Variants in UBE2H observed in about 807,000 individuals in gnomAD.
The protein encoded by UBE2H is ubiquitin-conjugating enzyme E2 H.
UBE2H carries 3 observed loss-of-function variants against 29.0 expected under a neutral mutation model. That is an observed-to-expected ratio of 0.10 (90% CI 0.05 to 0.27). The LOEUF (loss-of-function observed/expected upper bound fraction) is 0.27. Among genes scored for constraint, UBE2H ranks in the 10% least tolerant of loss-of-function variants. The pLI, the probability that UBE2H is intolerant of heterozygous loss-of-function variation, is 1.00. For synonymous variants in UBE2H, 69 were observed against 82.9 expected (o/e 0.83, Z 0.91); for missense variants, 68 against 228.2 (o/e 0.30, Z 4.52).
chr7:129,874,373 G>A (rs1190822098), intron 3 of UBE2H, among the ~76,000 whole-genome samples: 2 of 150,594 alleles, frequency 1.3e-5, no homozygotes, highest in Non-Finnish European at 3.0e-5. Flanking sequence ...GCAGTGGCAC[G>A]ATCTTGGCTC....
chr7:129,850,887 A>T (rs1035324749), intron 5 of UBE2H, among the ~76,000 whole-genome samples: 1 of 151,486 alleles, frequency 6.6e-6, no homozygotes, highest in African/African-American at 2.4e-5. Flanking sequence ...AGAGAGAGAA[A>T]GGAGAGAGAG....
At chr7:129,870,008 C>G (rs1805996274) in intron 3 of UBE2H, among the ~76,000 whole-genome samples, 1 of 152,186 alleles carries the variant, frequency 6.6e-6, no homozygotes, top group Non-Finnish European at 1.5e-5. Flanking sequence ...ACTCTCTCCT[C>G]TAGTTCTTTC....
chr7:129,838,962 A>G (rs554060472), intron 6 of UBE2H, among the ~76,000 whole-genome samples: 1 of 152,246 alleles, frequency 6.6e-6, no homozygotes, highest in East Asian at 1.9e-4. Flanking sequence ...TTTAAATGAA[A>G]CTCATATCCC....
intron 1 of UBE2H, among the ~76,000 whole-genome samples, chr7:129,881,894 A>T (rs1806262118): frequency 6.6e-6 from 1 of 152,174 alleles, no homozygotes; most frequent in Non-Finnish European, 1.5e-5. Context: ...AATAATCAAC[A>T]CAGTTAATGA....
chr7:129,952,373 CTG>C (rs1807895592), intron 1 of UBE2H, 128 bp downstream of exon 1: 1 of 1,178,038 alleles, frequency 8.5e-7, no homozygotes, highest in Non-Finnish European at 1.2e-6. Context: ...GCCGTAGGCA[CTG>C]GGGGAGGAGG....
intron 1 of UBE2H, among the ~76,000 whole-genome samples, chr7:129,901,673 C>T (rs1806719822): frequency 6.6e-6 from 1 of 152,128 alleles, no homozygotes; most frequent in Non-Finnish European, 1.5e-5. Flanking sequence ...CAGCTCACTG[C>T]AACCTCTGCC....
In UBE2H at chr7:129,942,619, T is replaced by C. The variant is rs145180463; in HGVS notation, c.53+9884A>G. Among the ~76,000 whole-genome samples, 397 of 152,304 alleles carry C rather than the reference T, an allele frequency of 2.6e-3. 1 individual carries two copies. The highest frequency in any genetic ancestry group is 9.1e-3 in the African/African-American group (379 of 41,564). Reference sequence around the variant, plus strand: ...GTTTATTCCATGTGAAAATTGAAGATATTATTCAGACTTCAACAGAGTGCT... The same window carrying C: ...GTTTATTCCATGTGAAAATTGAAGACATTATTCAGACTTCAACAGAGTGCT... On this transcript the variant is annotated intron_variant, in intron 1 of 6. Transcript: ENST00000355621.
intron 1 of UBE2H, among the ~76,000 whole-genome samples, chr7:129,910,118 C>T (rs528704718): frequency 6.6e-5 from 10 of 152,068 alleles, no homozygotes; most frequent in African/African-American, 2.2e-4. Context: ...CACCTGAGGT[C>T]GGGAGTTCGA....
intron 1 of UBE2H, among the ~76,000 whole-genome samples, chr7:129,900,853 C>A (rs1442663746): frequency 1.3e-5 from 2 of 151,562 alleles, no homozygotes; most frequent in Non-Finnish European, 2.9e-5. Context: ...CAGGTTCACA[C>A]CATTCTCCTG....
Position 129,857,310 on chromosome 7 carries a change from A to G in UBE2H, c.298+201T>C. 1.7e-5 allele frequency: 10 copies of G among 581,916 alleles called. 1 individual carries two copies. The South Asian group carries it at 2.4e-4, about 14-fold the overall frequency. The allele number at this position is 581,916 out of a possible 1,614,324, so 36.0% of individuals were successfully genotyped here. The stretch of plus-strand genomic sequence containing the variant: ...CTTAAGTTTGGAATCTCAAAAAATC[A>G]TTTTAAACTTCCACAGCTAAACTGA... On this transcript the variant is annotated intron_variant, in intron 5 of 6. Coordinates refer to ENST00000355621, the MANE Select transcript of UBE2H (RefSeq NM_003344.4).
At chr7:129,851,330 C>T (rs1805605717) in intron 5 of UBE2H, among the ~76,000 whole-genome samples, 1 of 152,196 alleles carries the variant, frequency 6.6e-6, no homozygotes, top group South Asian at 2.1e-4. Flanking sequence ...TAAGCTAAAA[C>T]ATGGTAATAG....
intron 1 of UBE2H, among the ~76,000 whole-genome samples, chr7:129,906,365 C>T (rs988255518): frequency 2.0e-5 from 3 of 152,018 alleles, no homozygotes; most frequent in East Asian, 1.9e-4. Context: ...CCACCACATG[C>T]GGCTAATTTT....
intron 1 of UBE2H, among the ~76,000 whole-genome samples, chr7:129,891,527 G>A (rs915103221): frequency 1.3e-5 from 2 of 152,116 alleles, no homozygotes; most frequent in African/African-American, 4.8e-5. Context: ...AAATAGGCCG[G>A]GCATGGTAGC....
chr7:129,870,815 T>C (rs1806014991), intron 3 of UBE2H, among the ~76,000 whole-genome samples: 1 of 152,144 alleles, frequency 6.6e-6, no homozygotes, highest in Non-Finnish European at 1.5e-5. Context: ...TAACCTGGCC[T>C]ACAAAGCGGT....
Position 129,867,111 on chromosome 7 carries a change from ACT to A in UBE2H, c.206-8172_206-8171del, listed in dbSNP as rs376871931. On this transcript the variant is annotated intron_variant, in intron 3 of 6. Coordinates refer to ENST00000355621, the MANE Select transcript of UBE2H (RefSeq NM_003344.4). ...TTATGATTTACATATGTTTCCCATA[ACT>A]CTGTCACACTAGAAATGGAAAATAC... Among the ~76,000 whole-genome samples, 749 of 152,248 alleles carry A rather than the reference ACT, an allele frequency of 4.9e-3. 4 individuals are homozygous for A. Among genetic ancestry groups the A allele is most frequent in the African/African-American group, 0.016 (653 of 41,544 alleles).
intron 1 of UBE2H, among the ~76,000 whole-genome samples, chr7:129,942,366 A>C (rs554832864): frequency 6.6e-6 from 1 of 152,254 alleles, no homozygotes; most frequent in East Asian, 1.9e-4. Context: ...ACATGCCTGT[A>C]ATCCCAGCTA....
At chr7:129,921,844 T>G (rs1050137578) in intron 1 of UBE2H, among the ~76,000 whole-genome samples, 3 of 152,216 alleles carry the variant, frequency 2.0e-5, no homozygotes, top group Non-Finnish European at 4.4e-5. Flanking sequence ...ATACAGGCTT[T>G]CTTTCTTTGA....
chr7:129,952,769 T>G lies in UBE2H; in HGVS notation c.-214A>C, dbSNP rs1171743543. ...GGGTGGGGACCCTGCGGCGCCCGGCTCGGGCTGCCCCTCTCCGGCTGTGGT... is the reference window on the plus strand; with the variant it reads ...GGGTGGGGACCCTGCGGCGCCCGGCGCGGGCTGCCCCTCTCCGGCTGTGGT... On this transcript the variant is annotated 5_prime_UTR_variant, in exon 1 of 7. Transcript: ENST00000355621. 2 of 368,640 alleles carry G rather than the reference T, an allele frequency of 5.4e-6. No individual in the cohort carries two copies. The allele number at this position is 368,640 out of a possible 1,614,324, so 22.8% of individuals were successfully genotyped here.
intron 1 of UBE2H, among the ~76,000 whole-genome samples, chr7:129,917,981 C>G (rs543861856): frequency 1.3e-5 from 2 of 152,304 alleles, no homozygotes; most frequent in East Asian, 3.9e-4. Flanking sequence ...GCTTACTATT[C>G]CATGCTATGG....
Sources: gnomAD v4.1 joint callset for allele counts (sites outside exome capture counted in the v4.1 genomes callset) on GRCh38, gnomAD v4.1.1 for gene constraint, MANE v1.5 for transcripts, NCBI Gene and HGNC (gene_info 2026-07-23, HGNC 2026-07-21) for gene names.